The following DLEU7 variants were observed in gnomAD, a reference collection of about 807,000 sequenced individuals.
The protein encoded by DLEU7 is leukemia-associated protein 7.
A neutral mutation model predicts 16.0 loss-of-function variants in DLEU7; 17 were observed. That is an observed-to-expected ratio of 1.06 (90% confidence interval 0.73 to 1.59). The LOEUF (loss-of-function observed/expected upper bound fraction) is 1.59, where lower values mean the gene tolerates loss of function less well. Ranked by LOEUF, DLEU7 falls within the 40% of genes most tolerant of loss-of-function variation. The pLI, the probability that DLEU7 is intolerant of heterozygous loss-of-function variation, is 0.00. For missense variants in DLEU7, 308 were observed against 314.9 expected (o/e 0.98, Z 0.17); for synonymous variants, 113 against 139.8 (o/e 0.81, Z 1.35).
chr13:50,830,540 G>A (rs1372949852), intron 1 of DLEU7, among the ~76,000 whole-genome samples: 1 of 152,190 alleles, frequency 6.6e-6, no homozygotes, highest in East Asian at 1.9e-4. Flanking sequence ...TTTAAGCACA[G>A]CACAGGGTTC....
At chr13:50,749,813 G>GT (rs1190830259) in intron 1 of DLEU7, among the ~76,000 whole-genome samples, 1 of 152,086 alleles carries the variant, frequency 6.6e-6, no homozygotes, top group Non-Finnish European at 1.5e-5. Flanking sequence ...ACTGATTTGA[G>GT]TTCGTTGTAG....
chr13:50,831,392 TAG>T (rs1877260071), intron 1 of DLEU7, among the ~76,000 whole-genome samples: 1 of 152,090 alleles, frequency 6.6e-6, no homozygotes, highest in South Asian at 2.1e-4. Context: ...TACTACAAGA[TAG>T]ATAGGTGGTA....
At chr13:50,734,067 G>A (rs868063529) in intron 1 of DLEU7, among the ~76,000 whole-genome samples, 1 of 152,194 alleles carries the variant, frequency 6.6e-6, no homozygotes, top group African/African-American at 2.4e-5. Context: ...AATGCTGTCT[G>A]TCACTGTCTG....
chr13:50,821,684 C>G (rs552912456), downstream of DLEU7, among the ~76,000 whole-genome samples: 1 of 151,372 alleles, frequency 6.6e-6, no homozygotes, highest in Admixed American at 6.6e-5. Context: ...GGAAAAAGCA[C>G]AAGCACAGAC....
chr13:50,834,590 G>A (rs942347501), intron 1 of DLEU7, among the ~76,000 whole-genome samples: 1 of 152,156 alleles, frequency 6.6e-6, no homozygotes, highest in Non-Finnish European at 1.5e-5. Flanking sequence ...TTACACTGTT[G>A]GTGGGAGTGT....
chr13:50,823,744 G>C (rs1026736161), intron 1 of DLEU7, among the ~76,000 whole-genome samples: 2 of 152,174 alleles, frequency 1.3e-5, no homozygotes, highest in Non-Finnish European at 2.9e-5. Context: ...AGAATGGACA[G>C]ATGATCTAAG....
chr13:50,796,083 C>T (rs959456630), intron 1 of DLEU7, among the ~76,000 whole-genome samples: 13 of 151,942 alleles, frequency 8.6e-5, no homozygotes, highest in African/African-American at 2.7e-4. Context: ...AATATTCCCC[C>T]CTTATCTGAG....
intron 1 of DLEU7, among the ~76,000 whole-genome samples, chr13:50,747,125 G>A (rs1346307956): frequency 6.6e-6 from 1 of 152,082 alleles, no homozygotes; most frequent in East Asian, 1.9e-4. Context: ...GGTTAGAATT[G>A]TTATTGTTAA....
chr13:50,832,674 C>T (rs1167337432), intron 1 of DLEU7, among the ~76,000 whole-genome samples: 6 of 152,154 alleles, frequency 3.9e-5, no homozygotes, highest in African/African-American at 1.2e-4. Flanking sequence ...GATTCTGGTA[C>T]ATTGTATCTT....
downstream of DLEU7, chr13:50,711,768 G>GCAGCC (rs1566225367): frequency 3.9e-5 from 3 of 77,782 alleles, no homozygotes; most frequent in South Asian, 6.0e-4. Context: ...CAATGACCCA[G>GCAGCC]TGGCGGGGGC....
intron 1 of DLEU7, among the ~76,000 whole-genome samples, chr13:50,725,048 G>C (rs148305522): frequency 6.6e-6 from 1 of 151,858 alleles, no homozygotes; most frequent in Non-Finnish European, 1.5e-5. Context: ...CCCATGGTCC[G>C]GGCTGACTGT....
At chr13:50,788,424 C>T (rs956691446) in intron 1 of DLEU7, among the ~76,000 whole-genome samples, 3 of 152,262 alleles carry the variant, frequency 2.0e-5, no homozygotes, top group Admixed American at 6.5e-5. Context: ...CGAATAATAC[C>T]AAGGCTGTGA....
intron 1 of DLEU7, among the ~76,000 whole-genome samples, chr13:50,812,319 A>G (rs1281594623): frequency 6.6e-6 from 1 of 152,174 alleles, no homozygotes; most frequent in Non-Finnish European, 1.5e-5. Context: ...GCTGATCCCA[A>G]CTGCTCTGAG....
intron 1 of DLEU7, among the ~76,000 whole-genome samples, chr13:50,781,719 C>G (rs992047270): frequency 1.3e-5 from 2 of 152,108 alleles, no homozygotes; most frequent in African/African-American, 4.8e-5. Context: ...CCTATCTGTC[C>G]TTCGCATCTC....
At chr13:50,729,809 A>G (rs1212438600) in intron 1 of DLEU7, among the ~76,000 whole-genome samples, 6 of 152,060 alleles carry the variant, frequency 3.9e-5, no homozygotes, top group Admixed American at 6.6e-5. Context: ...ATTTTTTCAT[A>G]TGCTTGTTGG....
chr13:50,787,547 C>G (rs1324257839), intron 1 of DLEU7, among the ~76,000 whole-genome samples: 1 of 152,064 alleles, frequency 6.6e-6, no homozygotes, highest in African/African-American at 2.4e-5. Context: ...GAACCACCTC[C>G]CACTTGCCAT....
intron 1 of DLEU7, among the ~76,000 whole-genome samples, chr13:50,828,606 C>CA (rs968499946): frequency 7.3e-5 from 11 of 151,650 alleles, no homozygotes; most frequent in Non-Finnish European, 1.3e-4. Flanking sequence ...TACTGTCACT[C>CA]AAAAAAAATG....
chr13:50,771,611 G>A (rs1875314477), intron 1 of DLEU7, among the ~76,000 whole-genome samples: 1 of 152,206 alleles, frequency 6.6e-6, no homozygotes, highest in African/African-American at 2.4e-5. Flanking sequence ...TAGTTTGATT[G>A]CACTGTGGTC....
Position 50,726,773 on chromosome 13 carries a change from A to C in DLEU7, c.460-13533T>G, listed in dbSNP as rs571755944. ...TCTAATTAGGGCTGTGACCTTGACCATGCCCCCTACCTTCCTGGGCCTCAG... is the reference window on the plus strand; with the variant it reads ...TCTAATTAGGGCTGTGACCTTGACCCTGCCCCCTACCTTCCTGGGCCTCAG... On this transcript the variant is annotated intron_variant, in intron 1 of 1. Coordinates refer to the DLEU7 transcript ENST00000400393. This position sits in a 1 kb window ranked among gnomAD's most constrained non-coding sequence, Gnocchi z 4.0. Among the ~76,000 whole-genome samples the C allele has an allele frequency of 6.6e-6, 1 of 152,164 alleles. No homozygotes were observed. Among genetic ancestry groups the C allele is most frequent in the East Asian group, 1.9e-4 (1 of 5,166 alleles).
Sources: gnomAD v4.1 joint callset for allele counts (sites outside exome capture counted in the v4.1 genomes callset) on GRCh38, gnomAD v4.1.1 for gene constraint, Gnocchi (gnomAD v3.1) non-coding constraint, MANE v1.5 for transcripts, NCBI Gene and HGNC (gene_info 2026-07-23, HGNC 2026-07-21) for gene names.